Variants in CACNA1H observed in about 807,000 individuals in gnomAD.
CACNA1H encodes the protein voltage-dependent T-type calcium channel subunit alpha-1H.
A neutral mutation model predicts 192.5 loss-of-function variants in CACNA1H; 149 were observed. The ratio of observed to expected loss-of-function variants is 0.77; its 90% CI spans 0.68 to 0.89. The LOEUF is 0.89. Ranked by LOEUF, CACNA1H falls within the 40% of genes least tolerant of loss-of-function variation. The probability of loss-of-function intolerance (pLI) is 0.00; values close to 1 mark genes in which losing one functional copy is unlikely to be tolerated. For missense variants in CACNA1H, 4,257 were observed against 3,423.5 expected, an observed-to-expected ratio of 1.24 and a Z score of -6.08; for synonymous variants, 2,202 against 1,475.2, an observed-to-expected ratio of 1.49 and a Z score of -11.29.
rs1377714484 is a variant in CACNA1H at position 1,220,285 on chromosome 16, A to G, written c.6353A>G (p.His2118Arg). 6 of 1,583,302 alleles carry G rather than the reference A, an allele frequency of 3.8e-6. No homozygotes were observed. In the African/African-American group the frequency reaches 6.9e-5, roughly 18 times the overall value. ...CCCTGGCAGCCCACAGCCGAGCCCC[A>G]TGGCCCCGAAGCCTCTCCGGTGGCC... ...ACPWQPTAEP[H>R]GPEASPVAGG... The change falls in exon 35 of 35, where the codon CAT becomes CGT. Residue 2118 changes from histidine to arginine, a missense_variant. Physicochemically the swap from His to Arg is conservative, Grantham distance 29. Transcript: ENST00000348261.
Position 1,202,115 on chromosome 16 carries a change from GC to G in CACNA1H, c.1671del (p.Ser558ArgfsTer25), listed in dbSNP as rs1312911852. 1 of 1,546,160 alleles carries G rather than the reference GC, an allele frequency of 6.5e-7. No homozygotes were observed. The highest frequency in any genetic ancestry group is 2.0e-5 in the Admixed American group (1 of 50,922). On this transcript the variant is annotated frameshift_variant, in exon 9 of 35. Coordinates refer to ENST00000348261, the MANE Select transcript of CACNA1H (RefSeq NM_021098.3). LOFTEE classifies it high-confidence loss of function. ...CDTRLVRAGAPPSPPSPGRGP... is the reference protein window; with the variant it reads ...CDTRLVRAGAXPSPPSPGRGP... Reference sequence around the variant, plus strand: ...ACACCAGGCTGGTCCGAGCTGGCGCGCCCCCCTCGCCACCTTCCCCAGGCCG... The same window carrying G: ...ACACCAGGCTGGTCCGAGCTGGCGCGCCCCCTCGCCACCTTCCCCAGGCCG...
chr16:1,203,878 T>C (rs1279390257), intron 9 of CACNA1H, 132 bp from the exon 10 acceptor site: 2 of 640,882 alleles, frequency 3.1e-6, no homozygotes, highest in East Asian at 5.5e-5. Flanking sequence ...TCACAGGTTC[T>C]GGAGGTTGGA....
In CACNA1H at chr16:1,210,482, C is replaced by A. The variant is rs1415119940; in HGVS notation, c.3958C>A (p.Pro1320Thr). 1 of 1,611,832 alleles carries A rather than the reference C, an allele frequency of 6.2e-7. No individual in the cohort carries two copies. The highest frequency in any genetic ancestry group is 8.5e-7 in the Non-Finnish European group (1 of 1,179,696). Residue 1320 changes from proline to threonine, a missense_variant, in exon 19 of 35, where the codon CCC becomes ACC. Transcript: ENST00000348261. ...CGCCCTGGAGAGGCCTGACATTGATCCCGGCAGCACCGTGAGTCAGCCAAC... is the reference window on the plus strand; with the variant it reads ...CGCCCTGGAGAGGCCTGACATTGATACCGGCAGCACCGTGAGTCAGCCAAC... ...TIALERPDID[P>T]GSTERVFLSV...
chr16:1,196,142 T>C, intron 5 of CACNA1H, 119 bp downstream of exon 5: 5 of 785,742 alleles, frequency 6.4e-6, no homozygotes, highest in Non-Finnish European at 8.4e-6. Flanking sequence ...TACCAGGCAC[T>C]CCGGCCCCAG....
At chr16:1,211,070 C>A in intron 21 of CACNA1H, 98 bp from the exon 22 acceptor site, 1 of 1,557,074 alleles carries the variant, frequency 6.4e-7, no homozygotes, top group Non-Finnish European at 8.7e-7. Context: ...GTTCGCAGGC[C>A]GCCCACTCGG....
In CACNA1H at chr16:1,180,615, G is replaced by A. The variant is rs952953525; in HGVS notation, c.300-14357G>A. Reference sequence around the variant, plus strand: ...GAGGGGCTGCTCTCCATAGTGTGTCGGGTGGGGAGTGGCCCACCTGGCCTT... The same window carrying A: ...GAGGGGCTGCTCTCCATAGTGTGTCAGGTGGGGAGTGGCCCACCTGGCCTT... On this transcript the variant is annotated intron_variant, in intron 2 of 34. Coordinates refer to ENST00000348261, the MANE Select transcript of CACNA1H (RefSeq NM_021098.3). The surrounding 1 kb of genome is among the most constrained non-coding windows in gnomAD (Gnocchi z 4.4). Among the ~76,000 whole-genome samples the A allele has an allele frequency of 6.6e-6, 1 of 152,132 alleles. No individual in the cohort carries two copies. Among genetic ancestry groups the A allele is most frequent in the Non-Finnish European group, 1.5e-5 (1 of 68,000 alleles).
chr16:1,194,878 T>C (rs1966853248), intron 2 of CACNA1H, 94 bp from the exon 3 acceptor site: 6 of 916,194 alleles, frequency 6.5e-6, no homozygotes, highest in Non-Finnish European at 1.1e-5. Context: ...CGCACACCCG[T>C]GGCGGGGCTC....
At chr16:1,161,450 G>T (rs939842747) in intron 2 of CACNA1H, among the ~76,000 whole-genome samples, 1 of 152,208 alleles carries the variant, frequency 6.6e-6, no homozygotes, top group Non-Finnish European at 1.5e-5. Flanking sequence ...GGACTGAGGT[G>T]GGGATACCTT....
Position 1,204,230 on chromosome 16 carries a change from C to T in CACNA1H, c.2223C>T (p.Asp741=), listed in dbSNP as rs1402942281. ...ACGTCCGGCACGGTGACCGCTGGGA[C>T]CCCACGCGACCACCCCGTGCGACGG... ...TQDVRHGDRW[D]PTRPPRATDT... Residue 741 remains aspartate, a synonymous_variant, in exon 10 of 35, where the codon GAC becomes GAT. Transcript: ENST00000348261. The T allele has an allele frequency of 1.9e-6, 3 of 1,611,046 alleles. No homozygotes were observed. Among genetic ancestry groups the T allele is most frequent in the Non-Finnish European group, 8.5e-7 (1 of 1,179,182 alleles).
rs567762917 is a variant in CACNA1H at position 1,155,252 on chromosome 16, A to G, written c.299+1216A>G. On this transcript the variant is annotated intron_variant, in intron 2 of 34. Coordinates refer to ENST00000348261, the MANE Select transcript of CACNA1H (RefSeq NM_021098.3). ...GTCCCGGGGGCAGCCGGCCCCGGCC[A>G]GAGGGCTGCCTCGGAGCCCCACACC... is the stretch of plus-strand genomic sequence containing the variant. Among the ~76,000 whole-genome samples the G allele has an allele frequency of 3.1e-3, 475 of 152,338 alleles. 6 individuals are homozygous for G. Among genetic ancestry groups the G allele is most frequent in the South Asian group, 0.022 (104 of 4,830 alleles).
In CACNA1H at chr16:1,209,344, A is replaced by G. The variant is rs760508244; in HGVS notation, c.3676A>G (p.Ser1226Gly). The G allele has an allele frequency of 1.3e-6, 2 of 1,597,556 alleles. No homozygotes were observed. The highest frequency in any genetic ancestry group is 1.1e-5 in the South Asian group (1 of 91,058). Residue 1226 changes from serine to glycine, a missense_variant, in exon 17 of 35, where the codon AGC (serine) becomes GGC (glycine). Ser to Gly is a moderately conservative substitution (Grantham distance 56). Transcript: ENST00000348261. ...CGACGGGCAGGTGGTGGCCCTGCCC[A>G]GCGACTTCTTCCTGCGCATCGACAG... is the stretch of plus-strand genomic sequence containing the variant. ...DRDGQVVALP[S>G]DFFLRIDSHR...
chr16:1,206,913 T>TCCCCCCC, intron 12 of CACNA1H, 88 bp from the exon 13 acceptor site: 4 of 70,704 alleles, frequency 5.7e-5, no homozygotes, highest in South Asian at 2.1e-4. Context: ...TGCCCCTCCC[T>TCCCCCCC]CCTCCCACCC....
At chr16:1,203,896 T>A in intron 9 of CACNA1H, 114 bp from the exon 10 acceptor site, 1 of 728,720 alleles carries the variant, frequency 1.4e-6, no homozygotes, top group Non-Finnish European at 2.2e-6. Flanking sequence ...GGACTCTGGA[T>A]GGATCTTTCT....
Position 1,201,771 on chromosome 16 carries a change from C to G in CACNA1H, c.1321C>G (p.Leu441Val). 1 of 1,606,006 alleles carries G rather than the reference C, an allele frequency of 6.2e-7. No homozygotes were observed. The highest frequency in any genetic ancestry group is 8.5e-7 in the Non-Finnish European group (1 of 1,177,218). Reference sequence around the variant, plus strand: ...GATGCGGGAGCAGCGGGCACGCCACCTGTCCAACGACAGCACGCTGGCCAG... The same window carrying G: ...GATGCGGGAGCAGCGGGCACGCCACGTGTCCAACGACAGCACGCTGGCCAG... ...QLMREQRARH[L>V]SNDSTLASFS... Residue 441 changes from leucine to valine, a missense_variant, in exon 9 of 35, where the codon CTG becomes GTG. Coordinates refer to ENST00000348261, the MANE Select transcript of CACNA1H (RefSeq NM_021098.3).
chr16:1,180,140 T>C lies in CACNA1H; in HGVS notation c.300-14832T>C, dbSNP rs1475677593. ...TCGTGTGGATGGACGGCCAGCCCGT[T>C]GGGTGCCCTGGCTGGGTCCCTGTCC... On this transcript the variant is annotated intron_variant, in intron 2 of 34. Coordinates refer to ENST00000348261, the MANE Select transcript of CACNA1H (RefSeq NM_021098.3). This position sits in a 1 kb window ranked among gnomAD's most constrained non-coding sequence, Gnocchi z 4.4. Among the ~76,000 whole-genome samples the C allele has an allele frequency of 6.6e-6, 1 of 151,858 alleles. No individual in the cohort carries two copies. The highest frequency in any genetic ancestry group is 1.5e-5 in the Non-Finnish European group (1 of 67,938).
chr16:1,213,970 G>T lies in CACNA1H; in HGVS notation c.4929+39G>T. 3 of 1,564,138 alleles carry T rather than the reference G, an allele frequency of 1.9e-6. No homozygotes were observed. The South Asian group carries it at 3.5e-5, about 18-fold the overall frequency. On this transcript the variant is annotated intron_variant, in intron 27 of 34. Coordinates refer to ENST00000348261, the MANE Select transcript of CACNA1H (RefSeq NM_021098.3). ...GGCCGCGAGGGGCCCAGGGGCTGGG[G>T]CACCCCCAGTGGGGCAGCCAACACA... is the stretch of plus-strand genomic sequence containing the variant.
rs1315315942 is a variant in CACNA1H at position 1,202,086 on chromosome 16, T to C, written c.1636T>C (p.Cys546Arg). Reference sequence around the variant, plus strand: ...CAGGCCCGGCCCCGAGCCAGGCGCCTGCGACACCAGGCTGGTCCGAGCTGG... The same window carrying C: ...CAGGCCCGGCCCCGAGCCAGGCGCCCGCGACACCAGGCTGGTCCGAGCTGG... ...PRRPGPEPGA[C>R]DTRLVRAGAP... The change falls in exon 9 of 35, where the codon TGC (cysteine) becomes CGC (arginine). Residue 546 changes from cysteine to arginine, a missense_variant. Cys to Arg is a radical substitution (Grantham distance 180). Transcript: ENST00000348261. 1.3e-6 allele frequency: 2 copies of C among 1,542,578 alleles called. No homozygotes were observed. The highest frequency in any genetic ancestry group is 2.7e-5 in the African/African-American group (2 of 72,934).
chr16:1,193,967 A>G (rs1049334831), intron 2 of CACNA1H, among the ~76,000 whole-genome samples: 2 of 152,026 alleles, frequency 1.3e-5, no homozygotes, highest in African/African-American at 4.8e-5. Context: ...TGCTGCACGC[A>G]GCACCCAGGA....
At position 1,220,474 on chromosome 16, in the gene CACNA1H, C is replaced by G; in HGVS notation, c.6542C>G (p.Ala2181Gly). The G allele has an allele frequency of 6.5e-7, 1 of 1,545,564 alleles. No homozygotes were observed. The highest frequency in any genetic ancestry group is 8.7e-7 in the Non-Finnish European group (1 of 1,154,482). ...CCTGAGGCCGAGCCCGCTCTGGGTG[C>G]GCGCAGAAAGAAGAAGATGAGCCCC... Reference protein sequence around the residue: ...WGPEAEPALGARRKKKMSPPC... With the variant: ...WGPEAEPALGGRRKKKMSPPC... The change falls in exon 35 of 35, where the codon GCG (alanine) becomes GGG (glycine). Residue 2181 changes from alanine (A) to glycine (G), a missense_variant. By Grantham distance (60) the Ala-to-Gly change is moderately conservative. Coordinates refer to ENST00000348261, the MANE Select transcript of CACNA1H (RefSeq NM_021098.3).
Sources: gnomAD v4.1 joint callset for allele counts (sites outside exome capture counted in the v4.1 genomes callset) on GRCh38, gnomAD v4.1.1 for gene constraint, Gnocchi (gnomAD v3.1) non-coding constraint, MANE v1.5 for transcripts, NCBI Gene and HGNC (gene_info 2026-07-23, HGNC 2026-07-21) for gene names.